SHISA9: variants seen among roughly 807,000 people sequenced by gnomAD.
SHISA9 encodes protein shisa-9.
A neutral mutation model predicts 38.0 loss-of-function variants in SHISA9; 13 were observed. The observed-to-expected ratio is 0.34, with a 90% CI of 0.22 to 0.54. SHISA9 has a LOEUF of 0.54. Ranked by LOEUF, SHISA9 falls within the 20% of genes least tolerant of loss-of-function variation. The pLI is 0.91. For synonymous variants in SHISA9, 275 were observed against 242.0 expected (o/e 1.14, Z -1.27); for missense variants, 538 against 575.8 (o/e 0.93, Z 0.67).
At chr16:13,423,074 TAAAATG>T in the SHISA9 span, among the ~76,000 whole-genome samples, 1 of 152,176 alleles carries the variant, frequency 6.6e-6, no homozygotes. Context: ...TGCCTTACCT[TAAAATG>T]AGAGGAAGGA....
chr16:13,429,017 T>C, the SHISA9 span, among the ~76,000 whole-genome samples: 1,731 of 152,288 alleles, frequency 0.011, 13 homozygotes, highest in Middle Eastern at 0.031. Flanking sequence ...TCTGCCCGCC[T>C]CAGCCTCCCA....
the SHISA9 span, among the ~76,000 whole-genome samples, chr16:13,469,415 A>AAG: frequency 3.4e-4 from 42 of 122,510 alleles, no homozygotes; most frequent in African/African-American, 1.3e-3. Flanking sequence ...GAAAGAAAGA[A>AAG]AGAAAGAAAA....
At chr16:13,463,393 A>C in the SHISA9 span, among the ~76,000 whole-genome samples, 1 of 152,216 alleles carries the variant, frequency 6.6e-6, no homozygotes, top group Non-Finnish European at 1.5e-5. Flanking sequence ...AGTTCTTGAA[A>C]GTTGTGGAAC....
chr16:13,146,529 A>T (rs116636848), intron 2 of SHISA9, among the ~76,000 whole-genome samples: 1 of 152,260 alleles, frequency 6.6e-6, no homozygotes, highest in African/African-American at 2.4e-5. Context: ...AGACAACTCA[A>T]TTGTACTCTT....
At chr16:13,554,694 G>T in the SHISA9 span, among the ~76,000 whole-genome samples, 3 of 152,106 alleles carry the variant, frequency 2.0e-5, no homozygotes, top group African/African-American at 7.2e-5. Flanking sequence ...GTTTCACCAT[G>T]TTGGTCAGGC....
At chr16:13,044,267 C>G (rs938441301) in intron 2 of SHISA9, among the ~76,000 whole-genome samples, 2 of 152,188 alleles carry the variant, frequency 1.3e-5, no homozygotes, top group Non-Finnish European at 2.9e-5. Flanking sequence ...ACATGAATGG[C>G]AAAAACTGTG....
chr16:13,308,708 A>T, the SHISA9 span, among the ~76,000 whole-genome samples: 1 of 152,210 alleles, frequency 6.6e-6, no homozygotes, highest in African/African-American at 2.4e-5. Context: ...CTGTGAATTT[A>T]TGTTGTTGTC....
In SHISA9 at chr16:12,905,595, A is replaced by ATTT. The variant is rs57837915; in HGVS notation, c.563+2980_563+2982dup. ...ACTGTGAATCTCTTATTTTATTTGC[A>ATTT]TTTTTTTTTTTTTTGAGGCAGAGTC... is the stretch of plus-strand genomic sequence containing the variant. On this transcript the variant is annotated intron_variant, in intron 1 of 4. Transcript: ENST00000558583. Among the ~76,000 whole-genome samples, 248 of 141,916 alleles carry ATTT rather than the reference A, an allele frequency of 1.7e-3. 6 individuals carry two copies. The highest frequency in any genetic ancestry group is 0.014 in the Middle Eastern group (4 of 280). The allele number at this position is 141,916 out of a possible 152,430, so 93.1% of individuals were successfully genotyped here.
In SHISA9 at chr16:12,902,391, G is replaced by A. The variant is rs540176470; in HGVS notation, c.327G>A (p.Thr109=). ...CGTCGFRFCC[T]FKKRRLNQST... ...CTTGTGGCTTCCGGTTCTGCTGCACGTTTAAGAAGCGGCGACTGAACCAAA... is the reference window on the plus strand; with the variant it reads ...CTTGTGGCTTCCGGTTCTGCTGCACATTTAAGAAGCGGCGACTGAACCAAA... Residue 109 remains threonine (T), a synonymous_variant, in exon 1 of 5, where the codon ACG becomes ACA. Transcript: ENST00000558583. The A allele has an allele frequency of 2.8e-5, 43 of 1,551,274 alleles. No homozygotes were observed. The highest frequency in any genetic ancestry group is 3.3e-5 in the Non-Finnish European group (38 of 1,146,978).
rs1046227377 is a variant in SHISA9 at position 12,908,731 on chromosome 16, G to A, written c.563+6104G>A. 13 of 1,443,482 alleles carry A rather than the reference G, an allele frequency of 9.0e-6. No homozygotes were observed. In the Admixed American group the frequency reaches 1.3e-4, roughly 15 times the overall value. 89.4% of individuals were successfully genotyped at this position (1,443,482 alleles called of 1,614,324 possible). A position where few individuals can be genotyped will look rare whatever the true frequency, so the allele number is the denominator to read the frequency against. Reference sequence around the variant, plus strand: ...GTTCAAGAAGCTACCGTAAGATGAAGTCTAGGAATGCTTTCTATATCGGCC... The same window carrying A: ...GTTCAAGAAGCTACCGTAAGATGAAATCTAGGAATGCTTTCTATATCGGCC... On this transcript the variant is annotated intron_variant, in intron 1 of 4. Transcript: ENST00000558583.
At chr16:12,989,209 CT>C (rs756548798) in intron 2 of SHISA9, among the ~76,000 whole-genome samples, 4 of 144,274 alleles carry the variant, frequency 2.8e-5, no homozygotes, top group Non-Finnish European at 6.3e-5. Flanking sequence ...TCCTTTTAGG[CT>C]GTTTTTTTGT....
At chr16:12,983,710 G>A (rs1199236349) in intron 2 of SHISA9, among the ~76,000 whole-genome samples, 4 of 152,236 alleles carry the variant, frequency 2.6e-5, no homozygotes, top group South Asian at 4.1e-4. Flanking sequence ...GGATGGTCTC[G>A]ATCTCCTGAC....
chr16:13,322,882 C>T, the SHISA9 span, among the ~76,000 whole-genome samples: 1 of 152,110 alleles, frequency 6.6e-6, no homozygotes. Context: ...GGAGATACTA[C>T]CACCCAATAA....
intron 2 of SHISA9, among the ~76,000 whole-genome samples, chr16:12,994,029 C>A (rs140195264): frequency 6.6e-6 from 1 of 152,218 alleles, no homozygotes; most frequent in East Asian, 1.9e-4. Flanking sequence ...AGACACCTGG[C>A]TAAAAACCCC....
At chr16:13,401,391 G>A in the SHISA9 span, among the ~76,000 whole-genome samples, 1 of 152,178 alleles carries the variant, frequency 6.6e-6, no homozygotes, top group South Asian at 2.1e-4. Context: ...TAGAACTGAG[G>A]CTGAGCAAGG....
At chr16:13,079,547 C>T (rs543991448) in intron 2 of SHISA9, among the ~76,000 whole-genome samples, 4 of 152,248 alleles carry the variant, frequency 2.6e-5, no homozygotes, top group African/African-American at 9.6e-5. Context: ...TTTCCCACCC[C>T]AAAAAAGTGC....
At chr16:13,066,824 C>G (rs142710725) in intron 2 of SHISA9, among the ~76,000 whole-genome samples, 1 of 152,216 alleles carries the variant, frequency 6.6e-6, no homozygotes, top group Non-Finnish European at 1.5e-5. Context: ...TTTTATGTTC[C>G]CCAGTCTTGT....
At chr16:12,934,940 T>A (rs917125881) in intron 2 of SHISA9, among the ~76,000 whole-genome samples, 1 of 152,138 alleles carries the variant, frequency 6.6e-6, no homozygotes, top group Non-Finnish European at 1.5e-5. Flanking sequence ...TGGTCCAAGT[T>A]TGGGATGTCA....
chr16:12,910,832 C>T (rs1049903465), intron 1 of SHISA9: 1 of 663,182 alleles, frequency 1.5e-6, no homozygotes, highest in Non-Finnish European at 1.9e-6. Flanking sequence ...TTGTACAAGT[C>T]TGAAGGCCGA....
Sources: allele counts gnomAD v4.1 joint callset (sites outside exome capture counted in the v4.1 genomes callset), GRCh38; gene constraint gnomAD v4.1.1; transcripts MANE v1.5; gene names NCBI Gene and HGNC (gene_info 2026-07-23, HGNC 2026-07-21).